Variants in VRK1 observed in about 807,000 individuals in gnomAD.
VRK1 encodes VRK serine/threonine kinase 1, also known as serine/threonine-protein kinase VRK1.
In VRK1, 33 loss-of-function variants were observed where a neutral mutation model predicts 57.1. The observed-to-expected ratio is 0.58, with a 90% confidence interval of 0.44 to 0.77. The LOEUF (loss-of-function observed/expected upper bound fraction) is 0.77. VRK1 is among the 30% of genes least tolerant of loss of function. VRK1 has a pLI of 0.00. For missense variants in VRK1, 413 were observed against 477.3 expected, an observed-to-expected ratio of 0.87 and a Z score of 1.25; for synonymous variants, 137 against 147.8, an observed-to-expected ratio of 0.93 and a Z score of 0.53.
chr14:96,823,466 T>C (rs1886680841), intron 1 of VRK1, among the ~76,000 whole-genome samples: 1 of 152,200 alleles, frequency 6.6e-6, no homozygotes, highest in African/African-American at 2.4e-5. Context: ...AAGAATAACC[T>C]CTGAAAAAAA....
intron 3 of VRK1, among the ~76,000 whole-genome samples, chr14:96,844,469 T>C (rs1296406549): frequency 2.0e-5 from 3 of 152,222 alleles, no homozygotes; most frequent in African/African-American, 7.2e-5. Context: ...TTAATGTGTG[T>C]TGCCCATTTA....
chr14:96,856,828 C>T (rs951591483), intron 10 of VRK1, among the ~76,000 whole-genome samples: 1 of 152,058 alleles, frequency 6.6e-6, no homozygotes, highest in African/African-American at 2.4e-5. Context: ...ATTAGCCAGG[C>T]GTGGTGACGC....
chr14:96,799,365 T>C (rs1355457014), intron 1 of VRK1, among the ~76,000 whole-genome samples: 1 of 152,002 alleles, frequency 6.6e-6, no homozygotes, highest in Non-Finnish European at 1.5e-5. Flanking sequence ...GAAATAATAA[T>C]AAATATATAA....
intron 1 of VRK1, among the ~76,000 whole-genome samples, chr14:96,807,535 A>G (rs1027306240): frequency 1.3e-5 from 2 of 152,242 alleles, no homozygotes; most frequent in African/African-American, 4.8e-5. Context: ...CGTGAGAAAT[A>G]GAGTTGTATC....
At chr14:96,827,909 C>G (rs1886861938) in intron 1 of VRK1, among the ~76,000 whole-genome samples, 1 of 152,078 alleles carries the variant, frequency 6.6e-6, no homozygotes, top group South Asian at 2.1e-4. Flanking sequence ...ATAACATGAA[C>G]CAATTGTTTA....
At chr14:96,856,293 C>T in intron 9 of VRK1, 43 bp downstream of exon 9, 1 of 1,603,518 alleles carries the variant, frequency 6.2e-7, no homozygotes, top group Admixed American at 1.7e-5. Context: ...TCATGATAAG[C>T]CAAATGTTTT....
At chr14:96,871,422 T>TA (rs2139837441) in intron 11 of VRK1, among the ~76,000 whole-genome samples, 1 of 152,348 alleles carries the variant, frequency 6.6e-6, no homozygotes, top group East Asian at 1.9e-4. Flanking sequence ...TATGGATTGA[T>TA]ACTTCAATGA....
chr14:96,809,091 A>G (rs1003407606), intron 1 of VRK1, among the ~76,000 whole-genome samples: 3 of 151,168 alleles, frequency 2.0e-5, no homozygotes, highest in African/African-American at 4.9e-5. Flanking sequence ...TAGAACGTCT[A>G]GAAGACTGGG....
chr14:96,849,266 T>G (rs536562092), intron 5 of VRK1, among the ~76,000 whole-genome samples: 30 of 152,220 alleles, frequency 2.0e-4, no homozygotes, highest in African/African-American at 6.7e-4. Context: ...GATGACTTGC[T>G]AGGAAGCAAA....
At chr14:96,821,426 T>C (rs1242040362) in intron 1 of VRK1, among the ~76,000 whole-genome samples, 1 of 152,064 alleles carries the variant, frequency 6.6e-6, no homozygotes, top group African/African-American at 2.4e-5. Context: ...GGAGGGCAGC[T>C]TGTGTAAAGT....
intron 12 of VRK1, chr14:96,877,254 A>G (rs923876279): frequency 4.6e-5 from 12 of 261,914 alleles, no homozygotes; most frequent in African/African-American, 8.9e-5. Context: ...ACAGTATTCA[A>G]CTTTCAAAGA....
At chr14:96,851,843 C>T (rs181844175) in intron 5 of VRK1, among the ~76,000 whole-genome samples, 7 of 152,258 alleles carry the variant, frequency 4.6e-5, no homozygotes, top group East Asian at 3.9e-4. Flanking sequence ...GCATTAATAA[C>T]GTTTTAAGTA....
At chr14:96,846,039 A>G in intron 3 of VRK1, 56 bp from the exon 4 acceptor site, 1 of 1,475,240 alleles carries the variant, frequency 6.8e-7, no homozygotes, top group Non-Finnish European at 9.5e-7. Flanking sequence ...AGGTTCATTG[A>G]AAATATCTCA....
intron 1 of VRK1, among the ~76,000 whole-genome samples, chr14:96,807,624 A>G (rs1385324331): frequency 6.6e-6 from 1 of 152,194 alleles, no homozygotes; most frequent in East Asian, 1.9e-4. Flanking sequence ...AATTTTATTA[A>G]TATTAGCTAT....
intron 2 of VRK1, among the ~76,000 whole-genome samples, chr14:96,835,942 A>G (rs895769096): frequency 2.6e-5 from 4 of 152,134 alleles, no homozygotes; most frequent in African/African-American, 9.7e-5. Context: ...TAATACGATC[A>G]TCCTGTTTAA....
chr14:96,852,303 AT>A (rs563497360), intron 5 of VRK1, among the ~76,000 whole-genome samples: 98 of 152,260 alleles, frequency 6.4e-4, no homozygotes, highest in African/African-American at 2.3e-3. Context: ...AATCTTGGCC[AT>A]TGAGTGTTTA....
At chr14:96,800,343 T>A (rs1885611005) in intron 1 of VRK1, among the ~76,000 whole-genome samples, 3 of 152,186 alleles carry the variant, frequency 2.0e-5, no homozygotes, top group Admixed American at 6.5e-5. Flanking sequence ...TCTCTCCCAA[T>A]GTTGTCTTAA....
intron 1 of VRK1, among the ~76,000 whole-genome samples, chr14:96,811,025 G>C (rs1269685589): frequency 2.6e-5 from 4 of 151,936 alleles, no homozygotes; most frequent in African/African-American, 9.7e-5. Context: ...CGCCTCCTGG[G>C]TTCAAGCGGT....
intron 11 of VRK1, among the ~76,000 whole-genome samples, chr14:96,868,032 C>G (rs1193114562): frequency 6.6e-6 from 1 of 151,786 alleles, no homozygotes; most frequent in Admixed American, 6.6e-5. Context: ...TGTTGTTTGA[C>G]TTATTTTAAT....
Sources: gnomAD v4.1 joint callset for allele counts (sites outside exome capture counted in the v4.1 genomes callset) on GRCh38, gnomAD v4.1.1 for gene constraint, MANE v1.5 for transcripts, NCBI Gene and HGNC (gene_info 2026-07-23, HGNC 2026-07-21) for gene names.